MESP2: variants seen among roughly 807,000 people sequenced by gnomAD.
MESP2 encodes the protein mesoderm posterior protein 2.
MESP2 carries 34 observed loss-of-function variants against 37.8 expected under a neutral mutation model. The observed-to-expected ratio is 0.90, with a 90% CI of 0.68 to 1.20. The LOEUF (loss-of-function observed/expected upper bound fraction) is 1.20, where lower values mean the gene tolerates loss of function less well. Among genes scored for constraint, MESP2 ranks in the 50% most tolerant of loss-of-function variants. The pLI is 0.00. For missense variants in MESP2, 646 were observed against 545.3 expected (o/e 1.18, Z -1.84); for synonymous variants, 303 against 251.6 (o/e 1.20, Z -1.93).
chr15:89,777,105 C>A lies in MESP2; in HGVS notation c.748C>A (p.Pro250Thr), dbSNP rs1486776308. 3 of 1,612,652 alleles carry A rather than the reference C, an allele frequency of 1.9e-6. No homozygotes were observed. The highest frequency in any genetic ancestry group is 3.3e-4 in the Middle Eastern group (2 of 6,084). The change falls in exon 1 of 2, where the codon CCT becomes ACT. Residue 250 changes from proline to threonine, a missense_variant. Physicochemically the swap from Pro to Thr is conservative, Grantham distance 38. Coordinates refer to ENST00000341735, the MANE Select transcript of MESP2 (RefSeq NM_001039958.2). ...CGACACGGATCCCTGGGCAACACCC[C>A]CTTACTGCCCCAAGATACAGTCGCC... is the stretch of plus-strand genomic sequence containing the variant. Reference protein sequence around the residue: ...VHDTDPWATPPYCPKIQSPPY... With the variant: ...VHDTDPWATPTYCPKIQSPPY...
In MESP2 at chr15:89,777,194, C is replaced by G. The variant is rs1968383187; in HGVS notation, c.837C>G (p.Pro279=). The G allele has an allele frequency of 1.9e-6, 3 of 1,612,698 alleles. No individual in the cohort carries two copies. The highest frequency in any genetic ancestry group is 2.5e-6 in the Non-Finnish European group (3 of 1,179,938). ...ASLWTPPQGC[P]WTQSSPEPRN... ...TTTGGACGCCACCCCAAGGCTGTCCCTGGACGCAGTCGTCCCCAGAGCCCC... is the reference window on the plus strand; with the variant it reads ...TTTGGACGCCACCCCAAGGCTGTCCGTGGACGCAGTCGTCCCCAGAGCCCC... The change falls in exon 1 of 2, where the codon CCC becomes CCG. Residue 279 remains proline (P), a synonymous_variant. Transcript: ENST00000341735.
In MESP2 at chr15:89,776,724, G is replaced by C; in HGVS notation, c.367G>C (p.Glu123Gln). 2 of 1,559,208 alleles carry C rather than the reference G, an allele frequency of 1.3e-6. No homozygotes were observed. The highest frequency in any genetic ancestry group is 8.6e-7 in the Non-Finnish European group (1 of 1,158,592). Residue 123 changes from glutamate (E) to glutamine (Q), a missense_variant, in exon 1 of 2, where the codon GAG becomes CAG. Physicochemically the swap from Glu to Gln is conservative, Grantham distance 29. Coordinates refer to ENST00000341735, the MANE Select transcript of MESP2 (RefSeq NM_001039958.2). ...APAGQSLTKI[E>Q]TLRLAIRYIG... ...GGCCGGCCAGAGCCTGACCAAGATC[G>C]AGACGCTGCGCCTGGCCATCCGCTA...
chr15:89,778,253 G>A lies in MESP2; in HGVS notation c.1113G>A (p.Gln371=). Residue 371 remains glutamine, a synonymous_variant, in exon 2 of 2, where the codon CAG becomes CAA. Transcript: ENST00000341735. ...AFQLSEASPP[Q]SSGLRFSGCP... Reference sequence around the variant, plus strand: ...AGCTCAGTGAAGCAAGCCCTCCCCAGAGCTCAGGCCTGCGGTTCAGTGGCT... The same window carrying A: ...AGCTCAGTGAAGCAAGCCCTCCCCAAAGCTCAGGCCTGCGGTTCAGTGGCT... The A allele has an allele frequency of 1.2e-6, 2 of 1,613,356 alleles. No individual in the cohort carries two copies. Among genetic ancestry groups the A allele is most frequent in the Non-Finnish European group, 1.7e-6 (2 of 1,179,986 alleles).
In MESP2 at chr15:89,778,156, C is replaced by G; in HGVS notation, c.1016C>G (p.Pro339Arg). ...PSCQRLQPQT[P>R]GRCWSHSAEV... The stretch of plus-strand genomic sequence containing the variant: ...TGCCAGAGACTGCAGCCTCAGACCC[C>G]CGGGAGGTGCTGGAGCCACAGTGCA... The change falls in exon 2 of 2, where the codon CCC (proline) becomes CGC (arginine). Residue 339 changes from proline to arginine, a missense_variant. Physicochemically the swap from Pro to Arg is moderately radical, Grantham distance 103 (BLOSUM62 -2). Coordinates refer to ENST00000341735, the MANE Select transcript of MESP2 (RefSeq NM_001039958.2). The G allele has an allele frequency of 6.8e-6, 11 of 1,613,798 alleles. No individual in the cohort carries two copies. Among genetic ancestry groups the G allele is most frequent in the Non-Finnish European group, 8.5e-6 (10 of 1,180,032 alleles).
At position 89,776,481 on chromosome 15, in the gene MESP2, T is replaced by C; in HGVS notation, c.124T>C (p.Ser42Pro). Residue 42 changes from serine to proline, a missense_variant, in exon 1 of 2, where the codon TCG (serine) becomes CCG (proline). By Grantham distance (74) the Ser-to-Pro change is moderately conservative (BLOSUM62 -1). Coordinates refer to ENST00000341735, the MANE Select transcript of MESP2 (RefSeq NM_001039958.2). ...GGCCTCCTCCTCCGATTCGTCGGGT[T>C]CGTGCCCCTGCGACGGCGCCCGCGG... ...SPASSSDSSG[S>P]CPCDGARGLP... is the part of the protein sequence containing the mutation. The C allele has an allele frequency of 6.5e-7, 1 of 1,534,062 alleles. No homozygotes were observed.
At position 89,778,435 on chromosome 15, in the gene MESP2, G is replaced by A. The variant is rs761831896; in HGVS notation, c.*101G>A. On this transcript the variant is annotated 3_prime_UTR_variant, in exon 2 of 2. Transcript: ENST00000341735. ...CTTTTCATGTTCTCCTTTAGCCAAG[G>A]CTCCCTTTTTCCAAGTGATGTCTTT... 8 of 1,459,926 alleles carry A rather than the reference G, an allele frequency of 5.5e-6. No homozygotes were observed. Among genetic ancestry groups the A allele is most frequent in the East Asian group, 2.4e-5 (1 of 42,406 alleles). The allele number at this position is 1,459,926 out of a possible 1,614,324, so 90.4% of individuals were successfully genotyped here.
rs1198377569 is a variant in MESP2, at chr15:89,777,049, C to G, written c.692C>G (p.Ala231Gly). 2 of 1,606,140 alleles carry G rather than the reference C, an allele frequency of 1.2e-6. No individual in the cohort carries two copies. Among genetic ancestry groups the G allele is most frequent in the Admixed American group, 1.7e-5 (1 of 59,382 alleles). The change falls in exon 1 of 2, where the codon GCC becomes GGC. Residue 231 changes from alanine (A) to glycine (G), a missense_variant. Transcript: ENST00000341735. ...GSPSACPGAQ[A>G]APERLGRGVH... ...CCGTCCGCCTGCCCCGGAGCCCAAG[C>G]CGCACCCGAGCGCCTGGGGAGGGGG...
In MESP2 at chr15:89,776,675, C is replaced by T. The variant is rs369681915; in HGVS notation, c.318C>T (p.Arg106=). 4.3e-5 allele frequency: 66 copies of T among 1,547,696 alleles called. No homozygotes were observed. The highest frequency in any genetic ancestry group is 5.6e-5 in the Non-Finnish European group (65 of 1,153,846). Residue 106 remains arginine (R), a synonymous_variant, in exon 1 of 2, where the codon CGC becomes CGT. Transcript: ENST00000341735. ...TLARALHELR[R]FLPPSLAPAG... ...CCCGCGCCCTGCACGAGTTGCGCCGCTTTCTGCCTCCCTCCTTGGCGCCGG... is the reference window on the plus strand; with the variant it reads ...CCCGCGCCCTGCACGAGTTGCGCCGTTTTCTGCCTCCCTCCTTGGCGCCGG...
Position 89,778,295 on chromosome 15 carries a change from A to G in MESP2, c.1155A>G (p.Gln385=), listed in dbSNP as rs1481836215. The G allele has an allele frequency of 6.2e-7, 1 of 1,612,910 alleles. No homozygotes were observed. The highest frequency in any genetic ancestry group is 2.2e-5 in the East Asian group (1 of 44,902). The change falls in exon 2 of 2, where the codon CAA becomes CAG. Residue 385 remains glutamine, a synonymous_variant. Transcript: ENST00000341735. ...LRFSGCPELW[Q]EDLEGARLGI... ...TCAGTGGCTGCCCTGAACTTTGGCA[A>G]GAAGATCTGGAGGGGGCCCGCCTGG...
At position 89,778,214 on chromosome 15, in the gene MESP2, G is replaced by A. The variant is rs763376959; in HGVS notation, c.1074G>A (p.Pro358=). ...TGCCCAACTCAGAGGACCAGGGACC[G>A]GGCGCCGCCTTCCAGCTCAGTGAAG... is the stretch of plus-strand genomic sequence containing the variant. ...EVVPNSEDQG[P]GAAFQLSEAS... The change falls in exon 2 of 2, where the codon CCG becomes CCA. Residue 358 remains proline (P), a synonymous_variant. Transcript: ENST00000341735. The A allele has an allele frequency of 8.7e-6, 14 of 1,613,404 alleles. No individual in the cohort carries two copies. Among genetic ancestry groups the A allele is most frequent in the Admixed American group, 8.3e-5 (5 of 59,998 alleles).
rs544384142 is a variant in MESP2 at position 89,778,334 on chromosome 15, A to G, written c.1194A>G (p.Ter398=). 1 of 1,613,068 alleles carries G rather than the reference A, an allele frequency of 6.2e-7. No homozygotes were observed. The highest frequency in any genetic ancestry group is 1.1e-5 in the South Asian group (1 of 91,080). The change falls in exon 2 of 2, where the codon TAA becomes TAG. Residue 398 remains the stop codon, a stop_retained_variant. Coordinates refer to ENST00000341735, the MANE Select transcript of MESP2 (RefSeq NM_001039958.2). ...GGGCCCGCCTGGGCATCTTCTACTA[A>G]ATGGCCTCGGCTTCCCTCTTTCCAT... ...LEGARLGIFY[*] is the part of the protein sequence containing the mutation.
rs754567634 is a variant in MESP2, at chr15:89,776,948, G to A, written c.591G>A (p.Gly197=). 55 of 1,515,962 alleles carry A rather than the reference G, an allele frequency of 3.6e-5. No homozygotes were observed. The Middle Eastern group carries it at 5.8e-4, about 16-fold the overall frequency. The allele number at this position is 1,515,962 out of a possible 1,614,324, so 93.9% of individuals were successfully genotyped here. A position where few individuals can be genotyped will look rare whatever the true frequency, so the allele number is the denominator to read the frequency against. Residue 197 remains glycine, a synonymous_variant, in exon 1 of 2, where the codon GGG becomes GGA. Transcript: ENST00000341735. ...GGCAAGGGCAGGGGCAAGGACAGGG[G>A]CAAGGACAGGGGCAAGGGCAGGGGC... The part of the protein sequence containing the change: ...GQGQGQGQGQ[G]QGQGQGQGRR...
intron 1 of MESP2, among the ~76,000 whole-genome samples, chr15:89,777,495 A>C (rs1372157739): frequency 6.6e-6 from 1 of 152,036 alleles, no homozygotes; most frequent in Non-Finnish European, 1.5e-5. Flanking sequence ...AAAGAGGGGG[A>C]GCCCGCCGAC....
At position 89,776,685 on chromosome 15, in the gene MESP2, C is replaced by G. The variant is rs1301929001; in HGVS notation, c.328C>G (p.Pro110Ala). ...GCACGAGTTGCGCCGCTTTCTGCCT[C>G]CCTCCTTGGCGCCGGCCGGCCAGAG... is the stretch of plus-strand genomic sequence containing the variant. ...ALHELRRFLP[P>A]SLAPAGQSLT... The change falls in exon 1 of 2, where the codon CCC becomes GCC. Residue 110 changes from proline (P) to alanine (A), a missense_variant. Coordinates refer to ENST00000341735, the MANE Select transcript of MESP2 (RefSeq NM_001039958.2). The G allele has an allele frequency of 1.2e-5, 18 of 1,553,762 alleles. No individual in the cohort carries two copies. Among genetic ancestry groups the G allele is most frequent in the Non-Finnish European group, 1.6e-5 (18 of 1,156,754 alleles).
Position 89,776,450 on chromosome 15 carries a change from G to C in MESP2, c.93G>C (p.Thr31=). 6.5e-7 allele frequency: 1 copy of C among 1,534,122 alleles called. No homozygotes were observed. The highest frequency in any genetic ancestry group is 8.7e-7 in the Non-Finnish European group (1 of 1,146,024). ...GWGWAGHWDS[T]SPASSSDSSG... ...GCTGGGCCGGCCACTGGGACTCCAC[G>C]TCCCCGGCCTCCTCCTCCGATTCGT... The change falls in exon 1 of 2, where the codon ACG becomes ACC. Residue 31 remains threonine (T), a synonymous_variant. Coordinates refer to ENST00000341735, the MANE Select transcript of MESP2 (RefSeq NM_001039958.2).
chr15:89,777,075 G>T lies in MESP2; in HGVS notation c.718G>T (p.Val240Phe). The T allele has an allele frequency of 2.5e-6, 4 of 1,611,396 alleles. No individual in the cohort carries two copies. Among genetic ancestry groups the T allele is most frequent in the South Asian group, 2.2e-5 (2 of 90,874 alleles). Residue 240 changes from valine to phenylalanine, a missense_variant, in exon 1 of 2, where the codon GTC becomes TTC. Transcript: ENST00000341735. ...CGCACCCGAGCGCCTGGGGAGGGGGGTCCACGACACGGATCCCTGGGCAAC... is the reference window on the plus strand; with the variant it reads ...CGCACCCGAGCGCCTGGGGAGGGGGTTCCACGACACGGATCCCTGGGCAAC... ...QAAPERLGRG[V>F]HDTDPWATPP...
chr15:89,776,420 C>A lies in MESP2; in HGVS notation c.63C>A (p.Gly21=), dbSNP rs1166583160. The A allele has an allele frequency of 1.3e-6, 2 of 1,532,900 alleles. No individual in the cohort carries two copies. Among genetic ancestry groups the A allele is most frequent in the Non-Finnish European group, 8.7e-7 (1 of 1,145,862 alleles). The allele number at this position is 1,532,900 out of a possible 1,614,324, so 95.0% of individuals were successfully genotyped here. ...ACGACCACTGGATCTTCGCCCAGGGCTGGGGCTGGGCCGGCCACTGGGACT... is the reference window on the plus strand; with the variant it reads ...ACGACCACTGGATCTTCGCCCAGGGATGGGGCTGGGCCGGCCACTGGGACT... ...LGHDHWIFAQ[G]WGWAGHWDST... The change falls in exon 1 of 2, where the codon GGC becomes GGA. Residue 21 remains glycine, a synonymous_variant. Transcript: ENST00000341735.
Position 89,776,712 on chromosome 15 carries a change from C to T in MESP2, c.355C>T (p.Leu119=), listed in dbSNP as rs373605220. 45 of 1,565,962 alleles carry T rather than the reference C, an allele frequency of 2.9e-5. No homozygotes were observed. In the African/African-American group the frequency reaches 6.1e-4, roughly 21 times the overall value. Residue 119 remains leucine, a synonymous_variant, in exon 1 of 2, where the codon CTG becomes TTG. Coordinates refer to ENST00000341735, the MANE Select transcript of MESP2 (RefSeq NM_001039958.2). Reference sequence around the variant, plus strand: ...CTCCTTGGCGCCGGCCGGCCAGAGCCTGACCAAGATCGAGACGCTGCGCCT... The same window carrying T: ...CTCCTTGGCGCCGGCCGGCCAGAGCTTGACCAAGATCGAGACGCTGCGCCT... The part of the protein sequence containing the change: ...PPSLAPAGQS[L]TKIETLRLAI...
intron 1 of MESP2, 59 bp downstream of exon 1, chr15:89,777,340 T>G: frequency 1.3e-6 from 2 of 1,523,154 alleles, no homozygotes; most frequent in South Asian, 1.2e-5. Context: ...AATCTCGTAC[T>G]TTTTCGATCC....
Sources: gnomAD v4.1 joint callset for allele counts (sites outside exome capture counted in the v4.1 genomes callset) on GRCh38, gnomAD v4.1.1 for gene constraint, MANE v1.5 for transcripts, NCBI Gene and HGNC (gene_info 2026-07-23, HGNC 2026-07-21) for gene names.